Variants in GPATCH8 observed in about 807,000 individuals in gnomAD.
GPATCH8 encodes the protein G patch domain-containing protein 8.
In GPATCH8, 18 loss-of-function variants were observed where a neutral mutation model predicts 118.3. The ratio of observed to expected loss-of-function variants is 0.15; its 90% CI spans 0.11 to 0.23. GPATCH8 has a LOEUF of 0.23. Among genes scored for constraint, GPATCH8 ranks in the 10% least tolerant of loss-of-function variants. The probability of loss-of-function intolerance (pLI) is 1.00; values close to 1 mark genes in which losing one functional copy is unlikely to be tolerated. For synonymous variants in GPATCH8, 659 were observed against 684.7 expected (o/e 0.96, Z 0.59); for missense variants, 1,631 against 1,873.8 (o/e 0.87, Z 2.39).
intron 7 of GPATCH8, 121 bp downstream of exon 7, chr17:44,405,800 G>T: frequency 1.2e-6 from 1 of 807,150 alleles, no homozygotes; most frequent in Non-Finnish European, 1.9e-6. Flanking sequence ...CACTGCGCCT[G>T]GCACAAGGTT....
intron 3 of GPATCH8, among the ~76,000 whole-genome samples, chr17:44,452,573 T>C (rs1271602361): frequency 6.6e-6 from 1 of 152,202 alleles, no homozygotes; most frequent in Non-Finnish European, 1.5e-5. Flanking sequence ...ATTTCCACTA[T>C]TACTCTTTCA....
chr17:44,447,965 G>C (rs891575955), intron 3 of GPATCH8, among the ~76,000 whole-genome samples: 1 of 151,862 alleles, frequency 6.6e-6, no homozygotes, highest in Non-Finnish European at 1.5e-5. Flanking sequence ...TGTGAGACAG[G>C]GTCTCACTCA....
chr17:44,484,215 C>T (rs1053283247), intron 1 of GPATCH8, among the ~76,000 whole-genome samples: 1 of 151,358 alleles, frequency 6.6e-6, no homozygotes, highest in Non-Finnish European at 1.5e-5. Flanking sequence ...AACTCCTGGC[C>T]TCAAGCAATT....
chr17:44,414,105 G>GTA (rs1272238317), intron 6 of GPATCH8, among the ~76,000 whole-genome samples: 11 of 100,844 alleles, frequency 1.1e-4, no homozygotes, highest in African/African-American at 2.7e-4. Flanking sequence ...ATATATGTGT[G>GTA]TATATATATA....
intron 1 of GPATCH8, among the ~76,000 whole-genome samples, chr17:44,484,663 G>C (rs1968632133): frequency 1.3e-5 from 2 of 152,248 alleles, no homozygotes; most frequent in South Asian, 4.1e-4. Context: ...GGATCCCACA[G>C]AGGATACCAC....
intron 7 of GPATCH8, among the ~76,000 whole-genome samples, chr17:44,403,279 T>G (rs1203533213): frequency 2.0e-5 from 3 of 152,178 alleles, no homozygotes; most frequent in Admixed American, 6.5e-5. Flanking sequence ...TTCACCATGT[T>G]GGCCAGGATG....
At chr17:44,497,432 T>A (rs1460213460) in intron 1 of GPATCH8, among the ~76,000 whole-genome samples, 1 of 135,098 alleles carries the variant, frequency 7.4e-6, no homozygotes, top group African/African-American at 2.8e-5. Flanking sequence ...TCTACAAAAA[T>A]GAAAAAAATT....
chr17:44,489,246 A>G (rs982638918), intron 1 of GPATCH8, among the ~76,000 whole-genome samples: 3 of 152,034 alleles, frequency 2.0e-5, no homozygotes, highest in Non-Finnish European at 4.4e-5. Context: ...GCACTCTGTG[A>G]AAGAACCACC....
intron 1 of GPATCH8, among the ~76,000 whole-genome samples, chr17:44,475,258 T>C (rs1225324003): frequency 6.6e-6 from 1 of 151,706 alleles, no homozygotes; most frequent in Admixed American, 6.6e-5. Flanking sequence ...TGTGCACCTG[T>C]AGTCCCAGCT....
intron 3 of GPATCH8, among the ~76,000 whole-genome samples, chr17:44,453,106 A>G (rs957855578): frequency 2.0e-5 from 3 of 152,180 alleles, no homozygotes; most frequent in African/African-American, 7.2e-5. Flanking sequence ...TGCAAGGATT[A>G]CAGGCGTGAG....
chr17:44,445,512 T>C (rs1190232322), intron 3 of GPATCH8, among the ~76,000 whole-genome samples: 3 of 152,066 alleles, frequency 2.0e-5, no homozygotes, highest in Admixed American at 6.6e-5. Flanking sequence ...CTTTTTTTTT[T>C]TTCCCCCCCT....
At chr17:44,477,632 A>G (rs1967880848) in intron 1 of GPATCH8, among the ~76,000 whole-genome samples, 1 of 151,346 alleles carries the variant, frequency 6.6e-6, no homozygotes, top group South Asian at 2.1e-4. Flanking sequence ...GGCAAAGTCT[A>G]TCCAAATAAA....
intron 1 of GPATCH8, among the ~76,000 whole-genome samples, chr17:44,498,637 C>G (rs1255550585): frequency 1.3e-5 from 2 of 152,162 alleles, no homozygotes; most frequent in African/African-American, 2.4e-5. Context: ...TGGTACAGCC[C>G]TGATTCTAAT....
chr17:44,397,320 G>A lies in GPATCH8; in HGVS notation c.*248C>T. ...AGAGGGGTGGGTAGCACTTACTGGT[G>A]TTCCCTAGCTTAGAAACACAGAAGA... On this transcript the variant is annotated 3_prime_UTR_variant, in exon 8 of 8. Transcript: ENST00000591680. The A allele has an allele frequency of 1.5e-6, 1 of 658,888 alleles. No homozygotes were observed. The highest frequency in any genetic ancestry group is 2.8e-6 in the Non-Finnish European group (1 of 358,102). 40.8% of individuals were successfully genotyped at this position (658,888 alleles called of 1,614,324 possible). A position where few individuals can be genotyped will look rare whatever the true frequency, so the allele number is the denominator to read the frequency against.
Position 44,411,921 on chromosome 17 carries a change from T to C in GPATCH8, c.493-5870A>G, listed in dbSNP as rs572798301. Among the ~76,000 whole-genome samples the C allele has an allele frequency of 2.5e-3, 375 of 152,090 alleles. 7 individuals are homozygous for C. Among genetic ancestry groups the C allele is most frequent in the East Asian group, 0.011 (58 of 5,168 alleles). ...CAGTCTGGGCAACACAGCAAGACTG[T>C]GTCTATAAAAAAAAAATTGAGATGG... On this transcript the variant is annotated intron_variant, in intron 6 of 7. Coordinates refer to ENST00000591680, the MANE Select transcript of GPATCH8 (RefSeq NM_001002909.4).
At chr17:44,480,486 A>G (rs1271939674) in intron 1 of GPATCH8, among the ~76,000 whole-genome samples, 1 of 151,986 alleles carries the variant, frequency 6.6e-6, no homozygotes, top group African/African-American at 2.4e-5. Flanking sequence ...GAGGCCAAGG[A>G]GGGCAGATCA....
rs1288124750 is a variant in GPATCH8 at position 44,400,753 on chromosome 17, G to A, written c.1324C>T (p.Pro442Ser). Reference protein sequence around the residue: ...PESKKGSSPKPKSCIKAAASQ... With the variant: ...PESKKGSSPKSKSCIKAAASQ... ...GCTGCCGCCTTGATGCAGCTTTTAG[G>A]CTTGGGAGAACTGCCTTTTTTACTC... Residue 442 changes from proline (P) to serine (S), a missense_variant, in exon 8 of 8, where the codon CCT becomes TCT. Physicochemically the swap from Pro to Ser is moderately conservative, Grantham distance 74. Transcript: ENST00000591680. 3 of 1,613,814 alleles carry A rather than the reference G, an allele frequency of 1.9e-6. No individual in the cohort carries two copies. In the Admixed American group the frequency reaches 5.0e-5, roughly 27 times the overall value.
intron 6 of GPATCH8, among the ~76,000 whole-genome samples, chr17:44,423,747 C>T (rs2143896802): frequency 6.6e-6 from 1 of 152,142 alleles, no homozygotes; most frequent in South Asian, 2.1e-4. Flanking sequence ...ATTTTCTCCT[C>T]TAAAATGATG....
In GPATCH8 at chr17:44,398,880, T is replaced by C. The variant is rs763012657; in HGVS notation, c.3197A>G (p.Gln1066Arg). The C allele has an allele frequency of 1.7e-4, 271 of 1,613,974 alleles. No individual in the cohort carries two copies. The highest frequency in any genetic ancestry group is 8.2e-4 in the South Asian group (75 of 91,088). Reference protein sequence around the residue: ...DDSKATGPPSQNSNIGTGRGS... With the variant: ...DDSKATGPPSRNSNIGTGRGS... ...TCTTCCTGTGCCAATGTTGCTGTTC[T>C]GGGAAGGTGGACCTGTTGCTTTACT... Residue 1066 changes from glutamine (Q) to arginine (R), a missense_variant, in exon 8 of 8, where the codon CAG (glutamine) becomes CGG (arginine). Transcript: ENST00000591680.
Sources: gnomAD v4.1 joint callset for allele counts (sites outside exome capture counted in the v4.1 genomes callset) on GRCh38, gnomAD v4.1.1 for gene constraint, MANE v1.5 for transcripts, NCBI Gene and HGNC (gene_info 2026-07-23, HGNC 2026-07-21) for gene names.